Variants in SYT15 observed in about 807,000 individuals in gnomAD.
SYT15 encodes synaptotagmin 15.
Under a neutral mutation model 30.1 loss-of-function variants are expected in SYT15, and 4 were observed. That is an observed-to-expected ratio of 0.13 (90% confidence interval 0.07 to 0.30). SYT15 has a LOEUF of 0.30. Among genes scored for constraint, SYT15 ranks in the 10% least tolerant of loss-of-function variants. The probability of loss-of-function intolerance (pLI) is 1.00; values close to 1 mark genes in which losing one functional copy is unlikely to be tolerated. For synonymous variants in SYT15, 19 were observed against 166.3 expected, an observed-to-expected ratio of 0.11 and a Z score of 6.82; for missense variants, 49 against 371.7, an observed-to-expected ratio of 0.13 and a Z score of 7.14.
Position 46,590,686 on chromosome 10 carries a change from T to G in SYT15, c.*3039T>G, listed in dbSNP as rs1409029408. 2 of 143,456 alleles carry G rather than the reference T, an allele frequency of 1.4e-5. 1 individual carries two copies. The highest frequency in any genetic ancestry group is 3.0e-5 in the Non-Finnish European group (2 of 65,790). 8.9% of individuals were successfully genotyped at this position (143,456 alleles called of 1,614,324 possible). A position where few individuals can be genotyped will look rare whatever the true frequency, so the allele number is the denominator to read the frequency against. On this transcript the variant is annotated 3_prime_UTR_variant, in exon 8 of 8. Coordinates refer to ENST00000374321, the MANE Select transcript of SYT15 (RefSeq NM_031912.5). ...GTCTCATCCTCAATCTCAGGGGTGG[T>G]GGGTGTGGCATGTGGAGAGTTGTCA...
chr10:46,580,680 C>CTGTGTGTGTGTGTG lies in SYT15; in HGVS notation c.213-189_213-176dup, dbSNP rs10588659. Among the ~76,000 whole-genome samples, 4 of 125,354 alleles carry CTGTGTGTGTGTGTG rather than the reference C, an allele frequency of 3.2e-5. 1 individual carries two copies. The highest frequency in any genetic ancestry group is 1.4e-4 in the African/African-American group (4 of 29,102). 82.2% of individuals were successfully genotyped at this position (125,354 alleles called of 152,430 possible). On this transcript the variant is annotated intron_variant, in intron 2 of 7. Transcript: ENST00000374321. Reference sequence around the variant, plus strand: ...TGTGTTCCTTCTTCAAATCCCACTGCTGTGTGTGTGTGTGTGTGTGTGTGT... The same window carrying CTGTGTGTGTGTGTG: ...TGTGTTCCTTCTTCAAATCCCACTGCTGTGTGTGTGTGTGTGTGTGTGTGTGTGTGTGTGTGTGT...
At chr10:46,595,202 A>C (rs1845629307), downstream of SYT15, among the ~76,000 whole-genome samples, 1 of 127,694 alleles carries the variant, frequency 7.8e-6, no homozygotes. Flanking sequence ...ATCTCAGCTC[A>C]CTGCAACCTC....
chr10:46,580,764 G>A (rs1161762581), intron 2 of SYT15, 130 bp from the exon 3 acceptor site: 1 of 541,586 alleles, frequency 1.8e-6, no homozygotes, highest in Non-Finnish European at 3.2e-6. Flanking sequence ...AGAAAATGGT[G>A]CCCTGGCCTC....
rs1555035864 is a variant in SYT15 at position 46,580,195 on chromosome 10, C to CG, written c.45dup (p.Leu16AlafsTer24). ...TGGCCCTGGTGATTGGGGGCACCAT[C>CG]GGGGGGCTGCTGCTGCTGCTGTTGA... is the stretch of plus-strand genomic sequence containing the variant. On this transcript the variant is annotated frameshift_variant, in exon 2 of 8. Transcript: ENST00000374321. LOFTEE classifies it high-confidence loss of function. The CG allele has an allele frequency of 2.6e-6, 3 of 1,165,972 alleles. No individual in the cohort carries two copies. The highest frequency in any genetic ancestry group is 2.6e-5 in the East Asian group (1 of 38,990). 72.2% of individuals were successfully genotyped at this position (1,165,972 alleles called of 1,614,324 possible).
Position 46,590,806 on chromosome 10 carries a change from A to G in SYT15, c.*3159A>G, listed in dbSNP as rs1405165804. The G allele has an allele frequency of 8.2e-6, 1 of 121,590 alleles. No individual in the cohort carries two copies. The highest frequency in any genetic ancestry group is 2.5e-4 in the East Asian group (1 of 4,028). The allele number at this position is 121,590 out of a possible 1,614,324, so 7.5% of individuals were successfully genotyped here. On this transcript the variant is annotated 3_prime_UTR_variant, in exon 8 of 8. Transcript: ENST00000374321. ...GTTAAAAAGATTTTTTTAATTACAA[A>G]TAAGGTTAAATTTCTCTCAAATACT...
chr10:46,586,329 G>A lies in SYT15; in HGVS notation c.1123+552G>A, dbSNP rs1201277519. ...TGGAAGGCCGAGGTAGGCAGATCAC[G>A]AGGTCAGGAGATCGAGACCGTCCTG... On this transcript the variant is annotated intron_variant, in intron 7 of 7. Transcript: ENST00000374321. 8.0e-4 allele frequency among the ~76,000 whole-genome samples: 105 copies of A among 131,940 alleles called. 1 individual carries two copies. The highest frequency in any genetic ancestry group is 3.1e-3 in the African/African-American group (94 of 30,094). 86.6% of individuals were successfully genotyped at this position (131,940 alleles called of 152,430 possible). A position where few individuals can be genotyped will look rare whatever the true frequency, so the allele number is the denominator to read the frequency against.
chr10:46,583,991 A>T, intron 5 of SYT15, 89 bp downstream of exon 5: 1 of 759,010 alleles, frequency 1.3e-6, no homozygotes, highest in Non-Finnish European at 2.0e-6. Flanking sequence ...ATCAGCCCTC[A>T]GCATCCTGCA....
downstream of SYT15, chr10:46,596,987 A>G (rs1173637567): frequency 6.5e-6 from 2 of 305,672 alleles, no homozygotes; most frequent in Admixed American, 4.4e-5. Context: ...GAATTTTGTG[A>G]TCCAGAAAGT....
At chr10:46,580,680 CTGTGTGTGTG>C (rs10588659) in intron 2 of SYT15, among the ~76,000 whole-genome samples, 13,593 of 125,298 alleles carry the variant, frequency 0.11, 1,993 homozygotes, top group East Asian at 0.44. Flanking sequence ...AATCCCACTG[CTGTGTGTGTG>C]TGTGTGTGTG....
In SYT15 at chr10:46,580,680, CTGTGTGTGTGTGTGTGTG is replaced by C. The variant is rs10588659; in HGVS notation, c.213-193_213-176del. Among the ~76,000 whole-genome samples the C allele has an allele frequency of 4.0e-5, 5 of 125,438 alleles. No homozygotes were observed. The East Asian group carries it at 1.1e-3, about 27-fold the overall frequency. 82.3% of individuals were successfully genotyped at this position (125,438 alleles called of 152,430 possible). Reference sequence around the variant, plus strand: ...TGTGTTCCTTCTTCAAATCCCACTGCTGTGTGTGTGTGTGTGTGTGTGTGTGTGTGTGTGTGTGCGTGT... The same window carrying C: ...TGTGTTCCTTCTTCAAATCCCACTGCTGTGTGTGTGTGTGTGTGTGCGTGT... On this transcript the variant is annotated intron_variant, in intron 2 of 7. Transcript: ENST00000374321.
intron 7 of SYT15, among the ~76,000 whole-genome samples, chr10:46,586,565 G>C (rs2133445682): frequency 7.3e-6 from 1 of 136,206 alleles, no homozygotes; most frequent in Admixed American, 7.2e-5. Context: ...AAAAGAGGTT[G>C]GCTGGGTGCG....
Position 46,583,722 on chromosome 10 carries a change from TC to T in SYT15, c.652-3del, listed in dbSNP as rs112965082. The stretch of plus-strand genomic sequence containing the variant: ...CGCCTGACTCTGGCTGGTGTCCTTG[TC>T]CCCCCCAGGTGTCCAGCAAGACCAT... On this transcript the variant is annotated splice_polypyrimidine_tract_variant and intron_variant, in intron 4 of 7. Coordinates refer to ENST00000374321, the MANE Select transcript of SYT15 (RefSeq NM_031912.5). The T allele has an allele frequency of 5.9e-4, 415 of 700,398 alleles. No homozygotes were observed. In the East Asian group the frequency reaches 0.012, roughly 21 times the overall value. The allele number at this position is 700,398 out of a possible 1,614,324, so 43.4% of individuals were successfully genotyped here.
downstream of SYT15, among the ~76,000 whole-genome samples, chr10:46,594,657 G>T (rs1435542856): frequency 3.6e-5 from 5 of 138,362 alleles, 2 homozygotes; most frequent in African/African-American, 1.5e-4. Flanking sequence ...CTGCCCAAAT[G>T]CTCGGCCTCT....
chr10:46,594,602 C>G (rs1438426392), downstream of SYT15, among the ~76,000 whole-genome samples: 2 of 143,282 alleles, frequency 1.4e-5, no homozygotes, highest in Non-Finnish European at 3.0e-5. Flanking sequence ...GTCTCTCCAG[C>G]TGAAGACGAC....
downstream of SYT15, chr10:46,593,207 G>T (rs1845531952): frequency 7.6e-6 from 1 of 131,608 alleles, no homozygotes; most frequent in South Asian, 2.6e-4. Context: ...GAGGGGAAAA[G>T]AAAAAAGAAA....
At chr10:46,586,206 C>G (rs28680527) in intron 7 of SYT15, among the ~76,000 whole-genome samples, 9,955 of 30,552 alleles carry the variant, frequency 0.33, 1,632 homozygotes, top group Middle Eastern at 0.43. Context: ...GTGGGAGGAT[C>G]TCTTGAACCC....
rs781854901 is a variant in SYT15 at position 46,580,870 on chromosome 10, T to C, written c.213-24T>C. On this transcript the variant is annotated intron_variant, in intron 2 of 7. Coordinates refer to ENST00000374321, the MANE Select transcript of SYT15 (RefSeq NM_031912.5). ...CCACACCATTGACTTGCCACCTACATGTTGTCTCCCTGACTCTGGACAGGC... is the reference window on the plus strand; with the variant it reads ...CCACACCATTGACTTGCCACCTACACGTTGTCTCCCTGACTCTGGACAGGC... The C allele has an allele frequency of 2.3e-4, 335 of 1,451,484 alleles. 38 individuals are homozygous for C. The highest frequency in any genetic ancestry group is 2.9e-4 in the Admixed American group (13 of 45,074). The allele number at this position is 1,451,484 out of a possible 1,614,324, so 89.9% of individuals were successfully genotyped here.
chr10:46,581,925 C>T lies in SYT15; in HGVS notation c.385C>T (p.Pro129Ser). 3 of 1,563,662 alleles carry T rather than the reference C, an allele frequency of 1.9e-6. No homozygotes were observed. In the Admixed American group the frequency reaches 5.2e-5, roughly 27 times the overall value. The change falls in exon 4 of 8, where the codon CCA (proline) becomes TCA (serine). Residue 129 changes from proline (P) to serine (S), a missense_variant. Coordinates refer to ENST00000374321, the MANE Select transcript of SYT15 (RefSeq NM_031912.5). Reference sequence around the variant, plus strand: ...TGCATGTATGGTGGGGGCCATCAACCCAGAGCTGTACAAGTTCCCGGAGGA... The same window carrying T: ...TGCATGTATGGTGGGGGCCATCAACTCAGAGCTGTACAAGTTCCCGGAGGA... ...GDACMVGAIN[P>S]ELYKFPEDKS...
chr10:46,596,637 A>G, downstream of SYT15, among the ~76,000 whole-genome samples: 1 of 142,556 alleles, frequency 7.0e-6, no homozygotes, highest in East Asian at 2.0e-4. Context: ...TCACAACAGC[A>G]CTATTCACAT....
Sources: allele counts gnomAD v4.1 joint callset (sites outside exome capture counted in the v4.1 genomes callset), GRCh38; gene constraint gnomAD v4.1.1; transcripts MANE v1.5; gene names NCBI Gene and HGNC (gene_info 2026-07-23, HGNC 2026-07-21).